The following ZBBX variants were observed in gnomAD, a reference collection of about 807,000 sequenced individuals.
ZBBX encodes the protein zinc finger B-box domain containing.
Under a neutral mutation model 108.5 loss-of-function variants are expected in ZBBX, and 101 were observed. That is an observed-to-expected ratio of 0.93 (90% CI 0.79 to 1.10). The LOEUF (loss-of-function observed/expected upper bound fraction) is 1.10. ZBBX is among the 50% of genes least tolerant of loss of function. The probability of loss-of-function intolerance (pLI) is 0.00; values close to 1 mark genes in which losing one functional copy is unlikely to be tolerated. For missense variants in ZBBX, 1,009 were observed against 941.4 expected, an observed-to-expected ratio of 1.07 and a Z score of -0.94; for synonymous variants, 356 against 323.4, an observed-to-expected ratio of 1.10 and a Z score of -1.08.
At chr3:167,386,478 G>A (rs1035435514) in intron 1 of ZBBX, among the ~76,000 whole-genome samples, 1 of 151,978 alleles carries the variant, frequency 6.6e-6, no homozygotes, top group Non-Finnish European at 1.5e-5. Context: ...GCGTTGATCT[G>A]TAACTCTCAT....
intron 1 of ZBBX, among the ~76,000 whole-genome samples, chr3:167,402,103 G>A (rs565520626): frequency 2.6e-5 from 4 of 151,946 alleles, no homozygotes; most frequent in Non-Finnish European, 5.9e-5. Context: ...GCTACATTAC[G>A]GTCTGAAAGA....
At chr3:167,338,405 G>T (rs1055011720) in intron 9 of ZBBX, among the ~76,000 whole-genome samples, 1 of 152,056 alleles carries the variant, frequency 6.6e-6, no homozygotes, top group Non-Finnish European at 1.5e-5. Context: ...TTAGAAAAAT[G>T]ATATACTTTA....
At chr3:167,307,098 C>T (rs1176465043) in intron 16 of ZBBX, among the ~76,000 whole-genome samples, 1 of 152,176 alleles carries the variant, frequency 6.6e-6, no homozygotes, top group Admixed American at 6.6e-5. Flanking sequence ...GTTAAAATCT[C>T]TCAATAAACT....
intron 16 of ZBBX, among the ~76,000 whole-genome samples, chr3:167,306,258 C>T (rs1733624071): frequency 6.6e-6 from 1 of 152,152 alleles, no homozygotes; most frequent in Non-Finnish European, 1.5e-5. Flanking sequence ...TTCTCACTTT[C>T]CCACCTCCTC....
At chr3:167,213,464 C>A in the ZBBX span, among the ~76,000 whole-genome samples, 112 of 152,086 alleles carry the variant, frequency 7.4e-4, no homozygotes, top group Non-Finnish European at 1.2e-3. Flanking sequence ...ATGACTGGTT[C>A]TCTGAAATAA....
chr3:167,213,162 G>GC, the ZBBX span, among the ~76,000 whole-genome samples: 1 of 152,110 alleles, frequency 6.6e-6, no homozygotes, highest in Non-Finnish European at 1.5e-5. Flanking sequence ...GATCACACAA[G>GC]TTTTTCAACA....
At chr3:167,358,170 T>C (rs1743900224) in intron 8 of ZBBX, among the ~76,000 whole-genome samples, 1 of 151,354 alleles carries the variant, frequency 6.6e-6, no homozygotes, top group East Asian at 1.9e-4. Flanking sequence ...AGTATAATAA[T>C]AATAAAATAA....
Position 167,330,843 on chromosome 3 carries a change from A to AGAG in ZBBX, c.688-2730_688-2728dup, listed in dbSNP as rs367685431. Among the ~76,000 whole-genome samples, 25 of 81,812 alleles carry AGAG rather than the reference A, an allele frequency of 3.1e-4. 1 individual carries two copies. Among genetic ancestry groups the AGAG allele is most frequent in the Middle Eastern group, 6.0e-3 (1 of 166 alleles). The allele number at this position is 81,812 out of a possible 152,430, so 53.7% of individuals were successfully genotyped here. ...AAGCAGAAGCAGAAGTAGAAGAGGA[A>AGAG]GAGGAGGAGGAGGAGGAGGAGGAGG... On this transcript the variant is annotated intron_variant, in intron 10 of 21. Coordinates refer to ENST00000675490, the MANE Select transcript of ZBBX (RefSeq NM_001199201.2).
chr3:167,282,189 G>T, intron 20 of ZBBX, 49 bp downstream of exon 20: 3 of 1,540,294 alleles, frequency 1.9e-6, no homozygotes, highest in South Asian at 1.3e-5. Context: ...ATCCGGCTGA[G>T]GGCAGAGTTA....
chr3:167,348,376 A>AAGAAAG (rs1560163904), intron 9 of ZBBX, among the ~76,000 whole-genome samples: 1 of 129,192 alleles, frequency 7.7e-6, no homozygotes, highest in Non-Finnish European at 1.7e-5. Flanking sequence ...AAGAAAAAAA[A>AAGAAAG]GAAAAGAAAA....
chr3:167,365,867 T>C lies in ZBBX; in HGVS notation c.273+19A>G, dbSNP rs375019158. The C allele has an allele frequency of 4.5e-6, 7 of 1,558,382 alleles. No homozygotes were observed. Among genetic ancestry groups the C allele is most frequent in the African/African-American group, 1.4e-5 (1 of 73,624 alleles). Reference sequence around the variant, plus strand: ...TCTTGCTTAGCAAAATGCATAAGAATCAAATAGTATCTTCTTACCTTAACA... The same window carrying C: ...TCTTGCTTAGCAAAATGCATAAGAACCAAATAGTATCTTCTTACCTTAACA... On this transcript the variant is annotated intron_variant, in intron 6 of 21. Transcript: ENST00000675490.
intron 9 of ZBBX, among the ~76,000 whole-genome samples, chr3:167,340,749 G>C (rs1175839216): frequency 6.6e-6 from 1 of 151,484 alleles, no homozygotes; most frequent in Non-Finnish European, 1.5e-5. Flanking sequence ...AACTGGAAAA[G>C]GTAGAGAAGC....
At chr3:167,257,827 T>C (rs1336052133) in intron 20 of ZBBX, among the ~76,000 whole-genome samples, 1 of 151,856 alleles carries the variant, frequency 6.6e-6, no homozygotes, top group Non-Finnish European at 1.5e-5. Context: ...TTCATGTCCT[T>C]AGCACACTTT....
At chr3:167,236,314 G>T (rs1720229459), downstream of ZBBX, among the ~76,000 whole-genome samples, 1 of 151,570 alleles carries the variant, frequency 6.6e-6, no homozygotes. Flanking sequence ...GATTTTTGTG[G>T]ATCACTTATG....
intron 1 of ZBBX, among the ~76,000 whole-genome samples, chr3:167,396,642 G>A (rs1748242842): frequency 1.3e-5 from 2 of 152,178 alleles, no homozygotes; most frequent in South Asian, 4.1e-4. Context: ...TTATGAATGA[G>A]AGTATGTAAC....
At chr3:167,350,348 G>A in intron 9 of ZBBX, 72 bp downstream of exon 9, 2 of 1,193,074 alleles carry the variant, frequency 1.7e-6, no homozygotes. Context: ...GATAACTAAA[G>A]ACATTTTAAA....
At chr3:167,257,100 A>G (rs544128888) in intron 20 of ZBBX, among the ~76,000 whole-genome samples, 1 of 152,292 alleles carries the variant, frequency 6.6e-6, no homozygotes, top group South Asian at 2.1e-4. Flanking sequence ...ACAGTGTACA[A>G]GGGTTCCCTT....
At chr3:167,256,667 T>G (rs1309988722) in intron 20 of ZBBX, among the ~76,000 whole-genome samples, 2 of 143,310 alleles carry the variant, frequency 1.4e-5, no homozygotes, top group Admixed American at 7.0e-5. Flanking sequence ...ATTTTCTATC[T>G]CAATGAGTTC....
intron 1 of ZBBX, among the ~76,000 whole-genome samples, chr3:167,401,949 T>C (rs1213071442): frequency 1.3e-5 from 2 of 152,112 alleles, no homozygotes; most frequent in African/African-American, 4.8e-5. Context: ...GATGAACTGA[T>C]TTCCAGAGAA....
Sources: gnomAD v4.1 joint callset for allele counts (sites outside exome capture counted in the v4.1 genomes callset) on GRCh38, gnomAD v4.1.1 for gene constraint, MANE v1.5 for transcripts, NCBI Gene and HGNC (gene_info 2026-07-23, HGNC 2026-07-21) for gene names.